The following TTC28 variants were observed in gnomAD, a reference collection of about 807,000 sequenced individuals.
The protein encoded by TTC28 is tetratricopeptide repeat protein 28.
Under a neutral mutation model 198.0 loss-of-function variants are expected in TTC28, and 61 were observed. The observed-to-expected ratio is 0.31, with a 90% CI of 0.25 to 0.38. The LOEUF is 0.38. TTC28 is among the 10% of genes least tolerant of loss of function. The pLI is 1.00. For missense variants in TTC28, 2,678 were observed against 3,164.0 expected, an observed-to-expected ratio of 0.85 and a Z score of 3.69; for synonymous variants, 1,171 against 1,297.8, an observed-to-expected ratio of 0.90 and a Z score of 2.10.
chr22:28,163,586 G>C lies in TTC28; in HGVS notation c.947C>G (p.Ala316Gly). The change falls in exon 6 of 23, where the codon GCC becomes GGC. Residue 316 changes from alanine (A) to glycine (G), a missense_variant. This residue lies in a region of TTC28 where 775 missense variants were observed against 845.9 expected (regional missense o/e 0.92). Transcript: ENST00000397906. The stretch of plus-strand genomic sequence containing the variant: ...GTACACGTGGCCCAGACTGCTCAAG[G>C]CTGATGAAGCTGCCTGGAGAGAAAA... ...KLKDREAASS[A>G]LSSLGHVYTA... 3 of 1,535,512 alleles carry C rather than the reference G, an allele frequency of 2.0e-6. No individual in the cohort carries two copies. Among genetic ancestry groups the C allele is most frequent in the Non-Finnish European group, 2.6e-6 (3 of 1,138,748 alleles).
intron 1 of TTC28, among the ~76,000 whole-genome samples, chr22:28,651,869 C>T (rs886303904): frequency 6.6e-6 from 1 of 152,126 alleles, no homozygotes; most frequent in African/African-American, 2.4e-5. Flanking sequence ...AATGGAGTTT[C>T]ACTCTTGTTG....
At chr22:28,336,304 T>A (rs1476427280) in intron 2 of TTC28, among the ~76,000 whole-genome samples, 1 of 152,210 alleles carries the variant, frequency 6.6e-6, no homozygotes, top group Non-Finnish European at 1.5e-5. Flanking sequence ...AATTCTCTTT[T>A]TTTGTTGTCT....
At chr22:28,199,667 T>C (rs1925750470) in intron 5 of TTC28, among the ~76,000 whole-genome samples, 2 of 151,714 alleles carry the variant, frequency 1.3e-5, no homozygotes, top group Non-Finnish European at 2.9e-5. Flanking sequence ...AGTGACACTA[T>C]TAACATTTTG....
chr22:28,472,443 G>A (rs995508071), intron 2 of TTC28, among the ~76,000 whole-genome samples: 4 of 151,824 alleles, frequency 2.6e-5, no homozygotes, highest in Non-Finnish European at 5.9e-5. Flanking sequence ...GTCCTGGGTG[G>A]TATTAATAGT....
chr22:28,489,284 T>TA (rs1041722308), intron 2 of TTC28, among the ~76,000 whole-genome samples: 1 of 107,604 alleles, frequency 9.3e-6, no homozygotes, highest in African/African-American at 3.8e-5. Flanking sequence ...ATCCTATCTC[T>TA]AAAAAACAAA....
At chr22:28,347,271 GAAA>G (rs201082591) in intron 2 of TTC28, among the ~76,000 whole-genome samples, 1 of 115,862 alleles carries the variant, frequency 8.6e-6, no homozygotes. Flanking sequence ...CTCAAAAGAG[GAAA>G]AAAAAAAAAA....
rs547489257 is a variant in TTC28, at chr22:28,513,550, C to T, written c.381+116002G>A. Among the ~76,000 whole-genome samples the T allele has an allele frequency of 5.9e-5, 9 of 152,276 alleles. No individual in the cohort carries two copies. In the South Asian group the frequency reaches 1.9e-3, roughly 32 times the overall value. On this transcript the variant is annotated intron_variant, in intron 2 of 22. Transcript: ENST00000397906. ...GCCCAAGAATTCGAGGCTGCATAAGCTATGATGGCACCACTGCACTCCAGC... is the reference window on the plus strand; with the variant it reads ...GCCCAAGAATTCGAGGCTGCATAAGTTATGATGGCACCACTGCACTCCAGC...
At chr22:28,069,859 C>G (rs966988408) in intron 12 of TTC28, among the ~76,000 whole-genome samples, 1 of 151,010 alleles carries the variant, frequency 6.6e-6, no homozygotes, top group Admixed American at 6.6e-5. Context: ...AACCAAAGTA[C>G]GAAGAAGCAG....
chr22:28,306,348 G>T, intron 3 of TTC28, 148 bp downstream of exon 3: 2 of 945,780 alleles, frequency 2.1e-6, no homozygotes, highest in Non-Finnish European at 3.1e-6. Flanking sequence ...CTTGCTGGCA[G>T]TGATTCTTGA....
chr22:28,286,398 A>T (rs2044687427), intron 5 of TTC28, among the ~76,000 whole-genome samples: 1 of 152,210 alleles, frequency 6.6e-6, no homozygotes, highest in South Asian at 2.1e-4. Flanking sequence ...ATAAAAAATT[A>T]ATGAGATACT....
At chr22:28,537,096 A>AT (rs1322308029) in intron 2 of TTC28, among the ~76,000 whole-genome samples, 3 of 151,074 alleles carry the variant, frequency 2.0e-5, no homozygotes, top group Admixed American at 2.0e-4. Flanking sequence ...GATCGAGACC[A>AT]TCCTGGCTAA....
intron 5 of TTC28, among the ~76,000 whole-genome samples, chr22:28,236,938 C>A (rs1428784515): frequency 2.0e-5 from 3 of 152,194 alleles, no homozygotes; most frequent in Non-Finnish European, 4.4e-5. Flanking sequence ...AAAGGTTAAT[C>A]TTTCCTTGCC....
At chr22:28,530,784 C>A (rs892533030) in intron 2 of TTC28, among the ~76,000 whole-genome samples, 1 of 152,136 alleles carries the variant, frequency 6.6e-6, no homozygotes, top group Non-Finnish European at 1.5e-5. Context: ...AATTTTCAAC[C>A]AAGAATTTCA....
At chr22:28,099,091 T>C (rs1367667524) in intron 9 of TTC28, 47 bp from the exon 10 acceptor site, 34 of 1,549,326 alleles carry the variant, frequency 2.2e-5, no homozygotes, top group Non-Finnish European at 2.9e-5. Flanking sequence ...GAAACCAATG[T>C]CCAGCTGTTT....
At chr22:28,181,927 T>A (rs1374085433) in intron 5 of TTC28, among the ~76,000 whole-genome samples, 2 of 152,210 alleles carry the variant, frequency 1.3e-5, no homozygotes, top group Non-Finnish European at 2.9e-5. Flanking sequence ...AACTCCATTC[T>A]ATGTAGCTCT....
At chr22:28,379,929 T>G (rs1204668443) in intron 2 of TTC28, among the ~76,000 whole-genome samples, 3 of 152,012 alleles carry the variant, frequency 2.0e-5, no homozygotes, top group Non-Finnish European at 4.4e-5. Context: ...AAATGCAATG[T>G]GGAATCCTGG....
intron 6 of TTC28, among the ~76,000 whole-genome samples, chr22:28,121,259 T>C (rs1942779719): frequency 6.6e-6 from 1 of 152,218 alleles, no homozygotes; most frequent in South Asian, 2.1e-4. Flanking sequence ...TGAAAATCAC[T>C]TGAACTTGGG....
At chr22:28,679,171 C>T (rs561093520) in intron 1 of TTC28, among the ~76,000 whole-genome samples, 1 of 152,184 alleles carries the variant, frequency 6.6e-6, no homozygotes, top group Admixed American at 6.5e-5. Context: ...CCTCCGGGGA[C>T]GAAGAGCTCA....
At chr22:28,417,503 A>C (rs2047186548) in intron 2 of TTC28, among the ~76,000 whole-genome samples, 1 of 151,966 alleles carries the variant, frequency 6.6e-6, no homozygotes, top group Non-Finnish European at 1.5e-5. Context: ...AGGAAATCTG[A>C]AATCACTGTA....
Sources: gnomAD v4.1 joint callset for allele counts (sites outside exome capture counted in the v4.1 genomes callset) on GRCh38, gnomAD v4.1.1 for gene constraint, gnomAD v4.1.1 regional missense constraint, MANE v1.5 for transcripts, NCBI Gene and HGNC (gene_info 2026-07-23, HGNC 2026-07-21) for gene names.